Variants in CEP85L observed in about 807,000 individuals in gnomAD.
CEP85L encodes centrosomal protein 85L.
Under a neutral mutation model 100.3 loss-of-function variants are expected in CEP85L, and 60 were observed. That is an observed-to-expected ratio of 0.60 (90% CI 0.49 to 0.74). CEP85L has a LOEUF of 0.74. CEP85L is among the 30% of genes least tolerant of loss of function. CEP85L has a pLI of 0.00. For synonymous variants in CEP85L, 319 were observed against 322.7 expected, an observed-to-expected ratio of 0.99 and a Z score of 0.12; for missense variants, 973 against 936.2, an observed-to-expected ratio of 1.04 and a Z score of -0.51.
At chr6:118,636,461 C>A (rs908362151) in intron 1 of CEP85L, among the ~76,000 whole-genome samples, 3 of 143,102 alleles carry the variant, frequency 2.1e-5, no homozygotes, top group African/African-American at 9.1e-5. Flanking sequence ...TGGTATGGAA[C>A]TCCTGGACAA....
chr6:118,584,318 A>G (rs1446749025), intron 2 of CEP85L, among the ~76,000 whole-genome samples: 1 of 152,176 alleles, frequency 6.6e-6, no homozygotes, highest in East Asian at 1.9e-4. Flanking sequence ...TTAGGGAAGG[A>G]GGGAGTTGAG....
intron 1 of CEP85L, among the ~76,000 whole-genome samples, chr6:118,703,224 T>C (rs1777482362): frequency 6.6e-6 from 1 of 152,126 alleles, no homozygotes; most frequent in Non-Finnish European, 1.5e-5. Flanking sequence ...TTGCTTATTT[T>C]TTCTTTCTTT....
intron 3 of CEP85L, among the ~76,000 whole-genome samples, chr6:118,530,519 G>A (rs942792136): frequency 1.3e-5 from 2 of 152,022 alleles, no homozygotes; most frequent in Non-Finnish European, 2.9e-5. Flanking sequence ...GTCCTAGCCA[G>A]AGCAATCAGG....
intron 9 of CEP85L, 26 bp downstream of exon 9, chr6:118,480,370 G>A (rs751420568): frequency 3.2e-5 from 41 of 1,286,878 alleles, no homozygotes; most frequent in South Asian, 1.6e-4. Flanking sequence ...TAGATTTCAC[G>A]TTTATGATCT....
chr6:118,526,536 GCACCTGATCTTAAGGAC>G (rs1423465655), intron 3 of CEP85L, among the ~76,000 whole-genome samples: 1 of 152,182 alleles, frequency 6.6e-6, no homozygotes, highest in Non-Finnish European at 1.5e-5. Context: ...CAACAAAGGA[GCACCTGATCTTAAGGAC>G]CACATTATTC....
At chr6:118,555,607 CA>C (rs1333153080) in intron 3 of CEP85L, among the ~76,000 whole-genome samples, 10 of 152,210 alleles carry the variant, frequency 6.6e-5, no homozygotes, top group African/African-American at 2.4e-4. Flanking sequence ...AGAATTCAAA[CA>C]AAAGTCATTA....
intron 2 of CEP85L, among the ~76,000 whole-genome samples, chr6:118,628,444 T>TG (rs201873730): frequency 0.012 from 1,885 of 152,170 alleles, 43 homozygotes; most frequent in African/African-American, 0.044. Flanking sequence ...AGACTGGACT[T>TG]GGCACAGAAA....
At chr6:118,600,339 G>C (rs986197327) in intron 2 of CEP85L, among the ~76,000 whole-genome samples, 4 of 132,870 alleles carry the variant, frequency 3.0e-5, no homozygotes, top group African/African-American at 8.4e-5. Context: ...GTGTGTGTGT[G>C]TGTGTGTGTG....
chr6:118,563,357 G>A (rs1238661543), intron 3 of CEP85L, among the ~76,000 whole-genome samples: 2 of 152,116 alleles, frequency 1.3e-5, no homozygotes, highest in African/African-American at 4.8e-5. Context: ...ATTAACCTGG[G>A]GAGTGGGGAG....
chr6:118,474,675 T>C (rs993552780), intron 10 of CEP85L, among the ~76,000 whole-genome samples: 2 of 152,082 alleles, frequency 1.3e-5, no homozygotes, highest in Non-Finnish European at 2.9e-5. Context: ...TTTGTCATTG[T>C]CCCCACACCA....
intron 4 of CEP85L, among the ~76,000 whole-genome samples, chr6:118,515,527 C>A (rs1776221660): frequency 6.6e-6 from 1 of 152,130 alleles, no homozygotes; most frequent in South Asian, 2.1e-4. Context: ...TAAAAGAATT[C>A]AATTCATATA....
rs1011785553 is a variant in CEP85L, at chr6:118,530,143, T to A, written c.1021-6223A>T. ...TACACATTTAATAGCATATCTCATA[T>A]GAGAAAAAACTATTAAGAATAAATG... On this transcript the variant is annotated intron_variant, in intron 3 of 12. Transcript: ENST00000368491. 2.6e-5 allele frequency among the ~76,000 whole-genome samples: 4 copies of A among 152,204 alleles called. No individual in the cohort carries two copies. The South Asian group carries it at 6.2e-4, about 24-fold the overall frequency.
intron 8 of CEP85L, 100 bp from the exon 9 acceptor site, chr6:118,480,613 A>G (rs1221992859): frequency 4.0e-6 from 3 of 742,464 alleles, no homozygotes; most frequent in Non-Finnish European, 6.8e-6. Context: ...AAAATATTAT[A>G]GACCCTAAAA....
At chr6:118,688,401 C>T (rs1891713) in intron 1 of CEP85L, among the ~76,000 whole-genome samples, 33,853 of 152,102 alleles carry the variant, frequency 0.22, 4,826 homozygotes, top group Non-Finnish European at 0.32. Context: ...ATCTTTTTCA[C>T]TGATGTATCT....
At chr6:118,684,225 C>T (rs551516727) in intron 1 of CEP85L, among the ~76,000 whole-genome samples, 3 of 152,192 alleles carry the variant, frequency 2.0e-5, no homozygotes, top group Non-Finnish European at 4.4e-5. Context: ...CACCCCCCTA[C>T]GTTTACATGG....
At chr6:118,581,240 A>G (rs1780560396) in intron 2 of CEP85L, among the ~76,000 whole-genome samples, 1 of 152,146 alleles carries the variant, frequency 6.6e-6, no homozygotes. Flanking sequence ...TAAGTCACCT[A>G]TTCTGTCTCC....
At position 118,588,809 on chromosome 6, in the gene CEP85L, A is replaced by G. The variant is rs1192119592; in HGVS notation, c.233-22493T>C. ...GTTGCAAACCAAACCACACATGGAC[A>G]TGCCATTCTTCCGAGGATCCTTGGA... On this transcript the variant is annotated intron_variant, in intron 2 of 12. Coordinates refer to ENST00000368491, the MANE Select transcript of CEP85L (RefSeq NM_001042475.3). 3.3e-5 allele frequency among the ~76,000 whole-genome samples: 5 copies of G among 152,290 alleles called. No individual in the cohort carries two copies. In the South Asian group the frequency reaches 6.2e-4, roughly 19 times the overall value.
intron 6 of CEP85L, among the ~76,000 whole-genome samples, chr6:118,484,730 A>T (rs141493477): frequency 2.6e-5 from 4 of 151,142 alleles, no homozygotes; most frequent in Admixed American, 2.6e-4. Context: ...TATGGGAACT[A>T]AGAGAGGAAG....
At chr6:118,561,201 G>T (rs570484101) in intron 3 of CEP85L, among the ~76,000 whole-genome samples, 1 of 152,232 alleles carries the variant, frequency 6.6e-6, no homozygotes, top group African/African-American at 2.4e-5. Flanking sequence ...CTAAAAACAA[G>T]TAGAAAGCTT....
Sources: allele counts gnomAD v4.1 joint callset (sites outside exome capture counted in the v4.1 genomes callset), GRCh38; gene constraint gnomAD v4.1.1; transcripts MANE v1.5; gene names NCBI Gene and HGNC (gene_info 2026-07-23, HGNC 2026-07-21).